Variants in BLTP2 observed in about 807,000 individuals in gnomAD.
BLTP2 encodes U937-associated antigen.
chr17:28,639,518 A>T, the BLTP2 span: 3 of 1,613,574 alleles, frequency 1.9e-6, no homozygotes, highest in Non-Finnish European at 2.5e-6. Context: ...CTCAAAACGA[A>T]ATAATGTAGC....
the BLTP2 span, chr17:28,644,878 T>G: frequency 1.4e-6 from 1 of 701,564 alleles, no homozygotes. Flanking sequence ...CTACCCACTC[T>G]GCCTCACGCG....
At chr17:28,624,169 G>A in the BLTP2 span, 1 of 1,549,166 alleles carries the variant, frequency 6.5e-7, no homozygotes, top group Non-Finnish European at 8.8e-7. Flanking sequence ...TTAGAGGTGG[G>A]GGAAGGGGAA....
At chr17:28,640,892 A>T in the BLTP2 span, among the ~76,000 whole-genome samples, 4 of 152,382 alleles carry the variant, frequency 2.6e-5, no homozygotes, top group African/African-American at 9.6e-5. Context: ...GAGTACAAGG[A>T]GCAGGTTGGT....
the BLTP2 span, among the ~76,000 whole-genome samples, chr17:28,626,255 C>T: frequency 6.6e-5 from 10 of 152,230 alleles, no homozygotes; most frequent in Non-Finnish European, 1.3e-4. Flanking sequence ...CCAAAAACTA[C>T]TTAGCCCTAT....
chr17:28,617,471 A>T, the BLTP2 span: 3 of 587,574 alleles, frequency 5.1e-6, no homozygotes, highest in Admixed American at 6.0e-5. Context: ...ACACTCTTTA[A>T]TCCAGTGTGT....
chr17:28,616,747 C>A, the BLTP2 span: 4 of 1,614,098 alleles, frequency 2.5e-6, no homozygotes, highest in Non-Finnish European at 3.4e-6. The surrounding 1 kb of genome is among the most constrained non-coding windows in gnomAD (Gnocchi z 4.8). Flanking sequence ...AGAGGCACCA[C>A]ATTTACCTAA....
At chr17:28,633,509 T>C in the BLTP2 span, 12 of 1,605,508 alleles carry the variant, frequency 7.5e-6, no homozygotes, top group Non-Finnish European at 1.0e-5. Flanking sequence ...ACCTCAACCA[T>C]ACCATCCTGA....
the BLTP2 span, among the ~76,000 whole-genome samples, chr17:28,623,497 A>T: frequency 6.6e-6 from 1 of 152,204 alleles, no homozygotes; most frequent in Admixed American, 6.5e-5. Flanking sequence ...AATAGGGATC[A>T]GCAATCTTAA....
At chr17:28,635,782 G>A in the BLTP2 span, 1 of 618,518 alleles carries the variant, frequency 1.6e-6, no homozygotes, top group South Asian at 2.3e-5. Context: ...CTAATGTGCT[G>A]AGCTGACAGT....
At chr17:28,642,604 C>A in the BLTP2 span, 2 of 560,672 alleles carry the variant, frequency 3.6e-6, no homozygotes, top group Non-Finnish European at 6.4e-6. Flanking sequence ...TGAGCCAAGA[C>A]CGCACCACTG....
the BLTP2 span, chr17:28,638,588 G>T: frequency 1.2e-6 from 2 of 1,613,734 alleles, no homozygotes; most frequent in African/African-American, 2.7e-5. Flanking sequence ...TGGAAATGTT[G>T]ACATTGGAGA....
the BLTP2 span, chr17:28,631,919 C>T: frequency 6.2e-7 from 1 of 1,614,016 alleles, no homozygotes; most frequent in Non-Finnish European, 8.5e-7. Context: ...CAATAATGTA[C>T]CTGGCAACAA....
the BLTP2 span, chr17:28,643,178 T>C: frequency 1.2e-6 from 2 of 1,614,188 alleles, no homozygotes; most frequent in Non-Finnish European, 1.7e-6. Context: ...CAGAAGATCT[T>C]CAATAAGGAT....
chr17:28,616,584 T>A, the BLTP2 span: 10 of 1,614,076 alleles, frequency 6.2e-6, no homozygotes, highest in Non-Finnish European at 8.5e-6. The surrounding 1 kb of genome is among the most constrained non-coding windows in gnomAD (Gnocchi z 4.8). Flanking sequence ...GTTGCTACCC[T>A]ATTCTTCTGG....
At chr17:28,632,858 C>T in the BLTP2 span, 3 of 1,078,662 alleles carry the variant, frequency 2.8e-6, no homozygotes, top group African/African-American at 3.2e-5. Flanking sequence ...CCCTCCCCTC[C>T]CCAGAGGGTC....
At chr17:28,619,622 T>A in the BLTP2 span, 1 of 1,612,402 alleles carries the variant, frequency 6.2e-7, no homozygotes, top group Non-Finnish European at 8.5e-7. Flanking sequence ...GCTGGGGCAC[T>A]GGAAAAGGGC....
chr17:28,624,197 A>T, the BLTP2 span: 1 of 1,602,370 alleles, frequency 6.2e-7, no homozygotes, highest in Non-Finnish European at 8.5e-7. Flanking sequence ...ATCATGATCT[A>T]GCCTGATGTT....
chr17:28,637,275 T>C, the BLTP2 span: 2 of 869,576 alleles, frequency 2.3e-6, no homozygotes, highest in African/African-American at 3.3e-5. Flanking sequence ...TTATTCCTCA[T>C]GCCTCCCTAA....
the BLTP2 span, chr17:28,640,382 G>A: frequency 1.6e-6 from 1 of 637,950 alleles, no homozygotes; most frequent in Non-Finnish European, 2.6e-6. Context: ...AACAGAGCAA[G>A]ACTCCGTCTC....
Sources: gnomAD v4.1 joint callset for allele counts (sites outside exome capture counted in the v4.1 genomes callset) on GRCh38, gnomAD v4.1.1 for gene constraint, Gnocchi (gnomAD v3.1) non-coding constraint, MANE v1.5 for transcripts, NCBI Gene and HGNC (gene_info 2026-07-23, HGNC 2026-07-21) for gene names.